Variants in EIF2AK4 observed in about 807,000 individuals in gnomAD.
EIF2AK4 encodes the protein eIF-2-alpha kinase GCN2.
In EIF2AK4, 139 loss-of-function variants were observed where a neutral mutation model predicts 211.1. The ratio of observed to expected loss-of-function variants is 0.66; its 90% CI spans 0.57 to 0.76. The LOEUF is 0.76. Among genes scored for constraint, EIF2AK4 ranks in the 30% least tolerant of loss-of-function variants. The pLI, the probability that EIF2AK4 is intolerant of heterozygous loss-of-function variation, is 0.00. For synonymous variants in EIF2AK4, 710 were observed against 751.3 expected, an observed-to-expected ratio of 0.94 and a Z score of 0.90; for missense variants, 1,664 against 2,043.8, an observed-to-expected ratio of 0.81 and a Z score of 3.58.
intron 4 of EIF2AK4, 144 bp downstream of exon 4, chr15:39,949,412 A>G (rs1224659705): frequency 3.4e-6 from 4 of 1,190,400 alleles, no homozygotes; most frequent in African/African-American, 3.1e-5. Flanking sequence ...ATGTGAGAGT[A>G]TGAAAAATAT....
intron 27 of EIF2AK4, 91 bp from the exon 28 acceptor site, chr15:40,016,411 T>A: frequency 1.4e-6 from 2 of 1,454,498 alleles, no homozygotes; most frequent in Non-Finnish European, 1.9e-6. Flanking sequence ...GCATCCCATG[T>A]GCTCCTGCTC....
At chr15:40,034,676 C>G (rs1363104656) in intron 38 of EIF2AK4, among the ~76,000 whole-genome samples, 1 of 152,104 alleles carries the variant, frequency 6.6e-6, no homozygotes, top group Non-Finnish European at 1.5e-5. Flanking sequence ...ATTTTGTTCA[C>G]CCAGGTAATT....
chr15:39,958,139 T>C (rs1050770460), intron 6 of EIF2AK4, among the ~76,000 whole-genome samples: 15 of 152,252 alleles, frequency 9.9e-5, no homozygotes, highest in African/African-American at 3.4e-4. Flanking sequence ...GCTGTATTTG[T>C]GAAGTGCAGA....
chr15:39,961,546 T>C (rs983291280), intron 6 of EIF2AK4, among the ~76,000 whole-genome samples: 1 of 152,132 alleles, frequency 6.6e-6, no homozygotes, highest in African/African-American at 2.4e-5. Flanking sequence ...TTTGTGGTTT[T>C]CATGTGGAGA....
At position 39,934,149 on chromosome 15, in the gene EIF2AK4, C is replaced by T; in HGVS notation, c.-47C>T. 1 of 1,267,024 alleles carries T rather than the reference C, an allele frequency of 7.9e-7. No homozygotes were observed. The highest frequency in any genetic ancestry group is 9.9e-7 in the Non-Finnish European group (1 of 1,011,892). The allele number at this position is 1,267,024 out of a possible 1,614,324, so 78.5% of individuals were successfully genotyped here. A position where few individuals can be genotyped will look rare whatever the true frequency, so the allele number is the denominator to read the frequency against. ...CCCCGCCCCGCAGGCTGCCGGGGGC[C>T]CACCGCCGCCCAGGCAAGGCCGCCC... On this transcript the variant is annotated 5_prime_UTR_variant, in exon 1 of 39. Coordinates refer to ENST00000263791, the MANE Select transcript of EIF2AK4 (RefSeq NM_001013703.4).
In EIF2AK4 at chr15:39,998,084, G is replaced by C. The variant is rs929264274; in HGVS notation, c.2869-647G>C. On this transcript the variant is annotated intron_variant, in intron 19 of 38. Coordinates refer to ENST00000263791, the MANE Select transcript of EIF2AK4 (RefSeq NM_001013703.4). Reference sequence around the variant, plus strand: ...CTGTGTTCGTAAAGTATAGGACTAAGTGAAGTGATTTCTATTGCCTCGCCT... The same window carrying C: ...CTGTGTTCGTAAAGTATAGGACTAACTGAAGTGATTTCTATTGCCTCGCCT... Among the ~76,000 whole-genome samples, 13 of 152,280 alleles carry C rather than the reference G, an allele frequency of 8.5e-5. No individual in the cohort carries two copies. The East Asian group carries it at 2.3e-3, about 27-fold the overall frequency.
chr15:39,976,800 C>CGACGAT lies in EIF2AK4; in HGVS notation c.2210_2211insTGACGA (p.Asp736_Asp737dup). 6.3e-7 allele frequency: 1 copy of CGACGAT among 1,575,440 alleles called. No homozygotes were observed. The highest frequency in any genetic ancestry group is 1.2e-5 in the South Asian group (1 of 85,956). Reference sequence around the variant, plus strand: ...GCCCGGGCTCCAGCGATGACGAGGACGACGACGAGGACGAGCACGGTGGCG... The same window carrying CGACGAT: ...GCCCGGGCTCCAGCGATGACGAGGACGACGATGACGACGAGGACGAGCACGGTGGCG... On this transcript the variant is annotated inframe_insertion, in exon 12 of 39. Transcript: ENST00000263791.
At chr15:40,000,749 A>C (rs2035078717) in intron 20 of EIF2AK4, among the ~76,000 whole-genome samples, 1 of 152,090 alleles carries the variant, frequency 6.6e-6, no homozygotes, top group Non-Finnish European at 1.5e-5. Flanking sequence ...TGGTTGTGAC[A>C]ATAAGGTATA....
chr15:40,025,843 C>T, intron 32 of EIF2AK4, 134 bp from the exon 33 acceptor site: 1 of 774,656 alleles, frequency 1.3e-6, no homozygotes, highest in Non-Finnish European at 2.1e-6. Flanking sequence ...TAAATGTCCC[C>T]TGGGGAGCAA....
In EIF2AK4 at chr15:39,976,615, C is replaced by T. The variant is rs201342617; in HGVS notation, c.2020C>T (p.Pro674Ser). 986 of 1,607,542 alleles carry T rather than the reference C, an allele frequency of 6.1e-4. 6 individuals are homozygous for T. The African/African-American group carries it at 0.012, about 19-fold the overall frequency. Residue 674 changes from proline to serine, a missense_variant, in exon 12 of 39, where the codon CCC (proline) becomes TCC (serine). By Grantham distance (74) the Pro-to-Ser change is moderately conservative (BLOSUM62 -1). Transcript: ENST00000263791. ...GGGGACGCCGCCCCCGGACTCCGGG[C>T]CCCTGGCCAAGGATGACCGAGCTGC... ...GPGTPPPDSG[P>S]LAKDDRAARG...
At position 39,992,812 on chromosome 15, in the gene EIF2AK4, A is replaced by G. The variant is rs55869019; in HGVS notation, c.2730A>G (p.Pro910=). 1.5e-5 allele frequency: 24 copies of G among 1,614,102 alleles called. No individual in the cohort carries two copies. The highest frequency in any genetic ancestry group is 1.9e-5 in the Non-Finnish European group (23 of 1,180,044). The change falls in exon 18 of 39, where the codon CCA becomes CCG. Residue 910 remains proline (P), a synonymous_variant. Transcript: ENST00000263791. ...GMVGTALYVS[P]EVQGSTKSAY... is the part of the protein sequence containing the mutation. ...TTGGCACTGCTCTCTATGTAAGCCC[A>G]GAGGTCCAAGGAAGCACCAAATCTG...
At chr15:39,993,025 T>C (rs1182769055) in intron 18 of EIF2AK4, among the ~76,000 whole-genome samples, 177 bp downstream of exon 18, 1 of 150,508 alleles carries the variant, frequency 6.6e-6, no homozygotes, top group Non-Finnish European at 1.5e-5. Context: ...TGCCAGGAGC[T>C]TACAGTCCAT....
chr15:39,970,412 G>A (rs1300613872), intron 9 of EIF2AK4, among the ~76,000 whole-genome samples: 8 of 151,984 alleles, frequency 5.3e-5, no homozygotes, highest in Non-Finnish European at 8.8e-5. Flanking sequence ...AACCCAACAG[G>A]GCATATATAG....
In EIF2AK4 at chr15:39,945,815, A is replaced by C. The variant is rs12593679; in HGVS notation, c.360+2330A>C. Reference sequence around the variant, plus strand: ...GCCAGTGTTCACTTACCATGCCCAAAGTTCCAGGACCGTTAAGAATTATGC... The same window carrying C: ...GCCAGTGTTCACTTACCATGCCCAACGTTCCAGGACCGTTAAGAATTATGC... On this transcript the variant is annotated intron_variant, in intron 3 of 38. Transcript: ENST00000263791. 1.7e-3 allele frequency among the ~76,000 whole-genome samples: 258 copies of C among 152,332 alleles called. 10 individuals carry two copies. The East Asian group carries it at 0.043, about 25-fold the overall frequency.
At chr15:40,009,920 T>C (rs1377427520) in intron 26 of EIF2AK4, among the ~76,000 whole-genome samples, 190 bp downstream of exon 26, 1 of 152,232 alleles carries the variant, frequency 6.6e-6, no homozygotes, top group Admixed American at 6.5e-5. Context: ...CAAGTATTGG[T>C]TGAGCTTTTG....
rs1189232411 is a variant in EIF2AK4 at position 39,990,396 on chromosome 15, A to G, written c.2631+19A>G. On this transcript the variant is annotated intron_variant, in intron 16 of 38. Transcript: ENST00000263791. ...CTTTTCTGTAAGTATTTTAAAAATT[A>G]GACTGTACCTAAAAACAGACTCAGA... 6.3e-7 allele frequency: 1 copy of G among 1,597,136 alleles called. No homozygotes were observed. Among genetic ancestry groups the G allele is most frequent in the Admixed American group, 1.7e-5 (1 of 59,856 alleles).
Position 39,992,865 on chromosome 15 carries a change from G to A in EIF2AK4, c.2766+17G>A. On this transcript the variant is annotated intron_variant, in intron 18 of 38. Coordinates refer to ENST00000263791, the MANE Select transcript of EIF2AK4 (RefSeq NM_001013703.4). ...TACAACCAGGTAAGAGGTTTTGTGG[G>A]GAAAAGGAATCTCAAAATTAAGGTA... 1.2e-6 allele frequency: 2 copies of A among 1,612,232 alleles called. No individual in the cohort carries two copies. Among genetic ancestry groups the A allele is most frequent in the Non-Finnish European group, 1.7e-6 (2 of 1,178,424 alleles).
rs762596532 is a variant in EIF2AK4 at position 40,001,032 on chromosome 15, G to A, written c.2967G>A (p.Arg989=). The A allele has an allele frequency of 1.9e-6, 3 of 1,614,190 alleles. No homozygotes were observed. The highest frequency in any genetic ancestry group is 2.5e-6 in the Non-Finnish European group (3 of 1,180,038). The change falls in exon 21 of 39, where the codon CGG becomes CGA. Residue 989 remains arginine, a synonymous_variant. Coordinates refer to ENST00000263791, the MANE Select transcript of EIF2AK4 (RefSeq NM_001013703.4). ...TGTTGAACCACGATCCAGCAAAACG[G>A]CCCACAGCCACAGAACTGCTCAAGA... ...SWLLNHDPAK[R]PTATELLKSE...
chr15:39,973,440 GA>G, intron 10 of EIF2AK4, 151 bp from the exon 11 acceptor site: 1 of 753,016 alleles, frequency 1.3e-6, no homozygotes, highest in Non-Finnish European at 2.2e-6. Context: ...AGGGCAAGGT[GA>G]GGAAAAGTTT....
Sources: gnomAD v4.1 joint callset for allele counts (sites outside exome capture counted in the v4.1 genomes callset) on GRCh38, gnomAD v4.1.1 for gene constraint, MANE v1.5 for transcripts, NCBI Gene and HGNC (gene_info 2026-07-23, HGNC 2026-07-21) for gene names.